Variants in PRR33 observed in about 807,000 individuals in gnomAD.
PRR33 encodes the protein proline-rich protein 33.
Under a neutral mutation model 0.5 loss-of-function variants are expected in PRR33, and 1 was observed. The observed-to-expected ratio is 2.18, with a 90% CI of 0.77 to 10.34. The LOEUF is 10.34. Among genes scored for constraint, PRR33 ranks in the 30% most tolerant of loss-of-function variants. PRR33 has a pLI of 0.13. For synonymous variants in PRR33, 226 were observed against 110.0 expected (o/e 2.06, Z -6.60); for missense variants, 552 against 251.8 (o/e 2.19, Z -8.07).
chr11:1,901,313 T>TAAAAAAAA, the PRR33 span, among the ~76,000 whole-genome samples: 1 of 135,258 alleles, frequency 7.4e-6, no homozygotes. Context: ...ACACCACCTC[T>TAAAAAAAA]AAAAAAAAAA....
At chr11:1,902,059 C>T in the PRR33 span, among the ~76,000 whole-genome samples, 1 of 151,902 alleles carries the variant, frequency 6.6e-6, no homozygotes, top group Non-Finnish European at 1.5e-5. Flanking sequence ...GGTGAGATCC[C>T]GTCTCTACTA....
At chr11:1,905,656 G>T in the PRR33 span, among the ~76,000 whole-genome samples, 2 of 151,000 alleles carry the variant, frequency 1.3e-5, no homozygotes, top group African/African-American at 4.9e-5. Flanking sequence ...TGGTAGAAAT[G>T]TTGCCCAGGG....
exon 1 of PRR33, chr11:1,890,193 G>T: frequency 1.4e-6 from 1 of 717,006 alleles, no homozygotes; most frequent in Non-Finnish European, 2.6e-6. Flanking sequence ...GATGGAGAAC[G>T]TGGACTTCTG....
Position 1,889,266 on chromosome 11 carries a change from C to T in PRR33, c.1319G>A (p.Arg440His), listed in dbSNP as rs746982966. 30 of 679,174 alleles carry T rather than the reference C, an allele frequency of 4.4e-5. No individual in the cohort carries two copies. In the East Asian group the frequency reaches 6.3e-4, roughly 14 times the overall value. 42.1% of individuals were successfully genotyped at this position (679,174 alleles called of 1,614,324 possible). A position where few individuals can be genotyped will look rare whatever the true frequency, so the allele number is the denominator to read the frequency against. The change falls in exon 1 of 1, where the codon CGC becomes CAC. Residue 440 changes from arginine to histidine, a missense_variant. By Grantham distance (29) the Arg-to-His change is conservative. Coordinates refer to ENST00000640310, the Ensembl canonical transcript of PRR33. The stretch of plus-strand genomic sequence containing the variant: ...CTCCTGCAGCTTCCGGGCGTTGAAG[C>T]GAGGCCGGTACAGGAAGGGCAGGCG...
the PRR33 span, among the ~76,000 whole-genome samples, chr11:1,904,190 C>T: frequency 2.0e-5 from 3 of 152,170 alleles, no homozygotes; most frequent in African/African-American, 2.4e-5. Context: ...TCCTGGGGGC[C>T]GCTGGAAGCT....
chr11:1,912,168 A>C, the PRR33 span, among the ~76,000 whole-genome samples: 1 of 151,932 alleles, frequency 6.6e-6, no homozygotes, highest in African/African-American at 2.4e-5. Context: ...GCAAGACCTC[A>C]TCTCTTTAAA....
At chr11:1,915,793 G>A in the PRR33 span, among the ~76,000 whole-genome samples, 1 of 147,342 alleles carries the variant, frequency 6.8e-6, no homozygotes, top group Admixed American at 6.8e-5. Flanking sequence ...TGGATGAAGG[G>A]AGGGAGGGAG....
chr11:1,914,923 T>G, the PRR33 span, among the ~76,000 whole-genome samples: 1 of 150,878 alleles, frequency 6.6e-6, no homozygotes, highest in Non-Finnish European at 1.5e-5. Flanking sequence ...TGTGTGTGTC[T>G]GTGTGTGTGT....
Position 1,889,407 on chromosome 11 carries a change from G to C in PRR33, c.1178C>G (p.Pro393Arg). Residue 393 changes from proline (P) to arginine (R), a missense_variant, in exon 1 of 1, where the codon CCC becomes CGC. Physicochemically the swap from Pro to Arg is moderately radical, Grantham distance 103. Coordinates refer to ENST00000640310, the Ensembl canonical transcript of PRR33. Reference sequence around the variant, plus strand: ...CCACATCCTGGAGGTCCGGGAGGCGGGGGCCCGGGGTGCGGTGAGGGCGGG... The same window carrying C: ...CCACATCCTGGAGGTCCGGGAGGCGCGGGCCCGGGGTGCGGTGAGGGCGGG... 10 of 685,536 alleles carry C rather than the reference G, an allele frequency of 1.5e-5. No individual in the cohort carries two copies. In the East Asian group the frequency reaches 1.9e-4, roughly 13 times the overall value. The allele number at this position is 685,536 out of a possible 1,614,324, so 42.5% of individuals were successfully genotyped here. A position where few individuals can be genotyped will look rare whatever the true frequency, so the allele number is the denominator to read the frequency against.
the PRR33 span, among the ~76,000 whole-genome samples, chr11:1,897,175 G>C: frequency 3.9e-5 from 6 of 152,212 alleles, no homozygotes; most frequent in Admixed American, 2.0e-4. This position sits in a 1 kb window ranked among gnomAD's most constrained non-coding sequence, Gnocchi z 4.0. Flanking sequence ...GCTTCAGTCT[G>C]TTTACGTCTC....
chr11:1,898,237 CTT>C, the PRR33 span, among the ~76,000 whole-genome samples: 17 of 144,580 alleles, frequency 1.2e-4, no homozygotes, highest in Admixed American at 2.8e-4. Context: ...ACGAGGGATA[CTT>C]TTTTTTTTTT....
the PRR33 span, among the ~76,000 whole-genome samples, chr11:1,913,321 T>G: frequency 1.4e-3 from 212 of 151,976 alleles, 1 homozygote; most frequent in African/African-American, 5.0e-3. Flanking sequence ...TTTTGTTTTT[T>G]TTTTAGTAGA....
the PRR33 span, among the ~76,000 whole-genome samples, chr11:1,916,418 T>G: frequency 6.6e-6 from 1 of 152,054 alleles, no homozygotes; most frequent in Non-Finnish European, 1.5e-5. Context: ...GGAGGTGACG[T>G]GCCCCCATCC....
At chr11:1,915,316 G>A in the PRR33 span, among the ~76,000 whole-genome samples, 1 of 148,540 alleles carries the variant, frequency 6.7e-6, no homozygotes, top group African/African-American at 2.5e-5. Flanking sequence ...TTGTGGGATA[G>A]GACATCTGAG....
At chr11:1,914,821 T>G in the PRR33 span, among the ~76,000 whole-genome samples, 173 of 145,466 alleles carry the variant, frequency 1.2e-3, no homozygotes, top group African/African-American at 4.2e-3. Context: ...TTGCTCTGTG[T>G]GTGTTGTGGG....
upstream of PRR33, among the ~76,000 whole-genome samples, chr11:1,896,637 T>A (rs976793792): frequency 2.0e-5 from 3 of 152,186 alleles, no homozygotes; most frequent in African/African-American, 7.2e-5. Context: ...TTATTTCTTT[T>A]GGGGGCCTAA....
the PRR33 span, among the ~76,000 whole-genome samples, chr11:1,903,773 G>A: frequency 6.6e-6 from 1 of 152,150 alleles, no homozygotes; most frequent in East Asian, 1.9e-4. Context: ...AGATCCTCGT[G>A]ATCAACTGAG....
the PRR33 span, among the ~76,000 whole-genome samples, chr11:1,914,976 G>T: frequency 6.7e-6 from 1 of 149,904 alleles, no homozygotes; most frequent in African/African-American, 2.5e-5. Context: ...GTATGTGTGT[G>T]TTGGGTGTAC....
At chr11:1,917,506 CG>C in the PRR33 span, among the ~76,000 whole-genome samples, 2 of 152,208 alleles carry the variant, frequency 1.3e-5, no homozygotes, top group African/African-American at 4.8e-5. Flanking sequence ...GGTGGAAATG[CG>C]TCCCCAACCC....
Sources: allele counts gnomAD v4.1 joint callset (sites outside exome capture counted in the v4.1 genomes callset), GRCh38; gene constraint gnomAD v4.1.1; non-coding constraint Gnocchi (gnomAD v3.1); transcripts MANE v1.5; gene names NCBI Gene and HGNC (gene_info 2026-07-23, HGNC 2026-07-21).